Variants in CSMD1 observed in about 807,000 individuals in gnomAD.
CSMD1 encodes CUB and sushi domain-containing protein 1.
CSMD1 carries 213 observed loss-of-function variants against 417.5 expected under a neutral mutation model. The ratio of observed to expected loss-of-function variants is 0.51; its 90% confidence interval spans 0.46 to 0.57. The LOEUF (loss-of-function observed/expected upper bound fraction) is 0.57, where lower values mean the gene tolerates loss of function less well. Ranked by LOEUF, CSMD1 falls within the 20% of genes least tolerant of loss-of-function variation. The pLI, the probability that CSMD1 is intolerant of heterozygous loss-of-function variation, is 0.00. For missense variants in CSMD1, 6,923 were observed against 4,529.7 expected (o/e 1.53, Z -15.17); for synonymous variants, 2,862 against 1,736.8 (o/e 1.65, Z -16.11).
chr8:4,072,012 G>C (rs948313942), intron 3 of CSMD1, among the ~76,000 whole-genome samples: 2 of 152,144 alleles, frequency 1.3e-5, no homozygotes, highest in African/African-American at 2.4e-5. Context: ...GGTGGATGTG[G>C]TTTTGCTGGT....
At chr8:3,767,853 T>C (rs1320824360) in intron 5 of CSMD1, among the ~76,000 whole-genome samples, 1 of 152,200 alleles carries the variant, frequency 6.6e-6, no homozygotes, top group Admixed American at 6.5e-5. Context: ...GTGGGTCAGA[T>C]AAATAAATAC....
intron 5 of CSMD1, among the ~76,000 whole-genome samples, chr8:3,964,064 G>C (rs1015406738): frequency 6.6e-6 from 1 of 152,180 alleles, no homozygotes; most frequent in Middle Eastern, 3.2e-3. Flanking sequence ...ACAGCATGAG[G>C]TGCTTGCTTG....
At chr8:3,335,499 G>A (rs561570565) in intron 23 of CSMD1, among the ~76,000 whole-genome samples, 1 of 152,254 alleles carries the variant, frequency 6.6e-6, no homozygotes, top group South Asian at 2.1e-4. Context: ...CCAACATAGA[G>A]AAACTCCGTC....
chr8:2,957,869 G>A, intron 62 of CSMD1, 62 bp from the exon 63 acceptor site: 1 of 1,146,866 alleles, frequency 8.7e-7, no homozygotes. Context: ...GTCAACTAGT[G>A]ATACCTGAAA....
intron 5 of CSMD1, among the ~76,000 whole-genome samples, chr8:3,803,652 C>G (rs73658284): frequency 6.6e-6 from 1 of 152,080 alleles, no homozygotes; most frequent in African/African-American, 2.4e-5. Flanking sequence ...GAGGAGGGTT[C>G]ATAGAGGCCA....
intron 6 of CSMD1, among the ~76,000 whole-genome samples, chr8:3,712,808 T>A (rs1379407836): frequency 6.6e-6 from 1 of 152,170 alleles, no homozygotes. Flanking sequence ...TAATTCAGAT[T>A]CAACAATTTC....
intron 1 of CSMD1, among the ~76,000 whole-genome samples, chr8:4,852,358 G>A (rs1280188321): frequency 6.6e-6 from 1 of 152,024 alleles, no homozygotes; most frequent in Admixed American, 6.6e-5. Context: ...TGCAACATCT[G>A]GTTGTTTAAA....
At chr8:4,677,223 A>C (rs1805752754) in intron 1 of CSMD1, among the ~76,000 whole-genome samples, 1 of 151,238 alleles carries the variant, frequency 6.6e-6, no homozygotes, top group South Asian at 2.1e-4. Context: ...TTACTGTAGA[A>C]ATAATGCTCA....
At chr8:4,379,549 T>C (rs998152227) in intron 3 of CSMD1, among the ~76,000 whole-genome samples, 7 of 152,226 alleles carry the variant, frequency 4.6e-5, no homozygotes, top group Non-Finnish European at 7.3e-5. Flanking sequence ...GTCTGTATTA[T>C]TTTTGCAATT....
chr8:4,704,006 C>T (rs529248270), intron 1 of CSMD1, among the ~76,000 whole-genome samples: 3 of 152,260 alleles, frequency 2.0e-5, no homozygotes, highest in African/African-American at 4.8e-5. Context: ...AATCTAATGC[C>T]GATGCCGATG....
At chr8:3,273,280 G>T (rs919591473) in intron 26 of CSMD1, among the ~76,000 whole-genome samples, 1 of 152,006 alleles carries the variant, frequency 6.6e-6, no homozygotes, top group East Asian at 1.9e-4. Context: ...CAGGGATGAA[G>T]CCCACTTGAT....
intron 36 of CSMD1, among the ~76,000 whole-genome samples, chr8:3,183,391 G>A (rs57785401): frequency 6.8e-6 from 1 of 146,714 alleles, no homozygotes. Context: ...CCGACGTCAC[G>A]AACTGAACGC....
At chr8:3,703,527 G>A (rs1416780703) in intron 7 of CSMD1, among the ~76,000 whole-genome samples, 2 of 152,124 alleles carry the variant, frequency 1.3e-5, no homozygotes, top group Non-Finnish European at 2.9e-5. Flanking sequence ...GTCAGGGGAT[G>A]AGGAGGTATG....
chr8:4,970,895 A>C (rs1483960787), intron 1 of CSMD1, among the ~76,000 whole-genome samples: 3 of 152,142 alleles, frequency 2.0e-5, no homozygotes, highest in Admixed American at 2.0e-4. Context: ...AAAGTAACGA[A>C]GTGCTTTTTA....
chr8:4,358,229 A>C lies in CSMD1; in HGVS notation c.415+61724T>G, dbSNP rs75837422. Among the ~76,000 whole-genome samples the C allele has an allele frequency of 2.6e-5, 4 of 152,332 alleles. No homozygotes were observed. In the East Asian group the frequency reaches 5.8e-4, roughly 22 times the overall value. ...GTGTTATAATTTTATGTACCAAATG[A>C]ATGTCACTGTGGGGCTTGTTGAACT... On this transcript the variant is annotated intron_variant, in intron 3 of 69. Coordinates refer to ENST00000635120, the MANE Select transcript of CSMD1 (RefSeq NM_033225.6).
intron 10 of CSMD1, among the ~76,000 whole-genome samples, chr8:3,502,535 G>C (rs991599071): frequency 6.6e-6 from 1 of 152,086 alleles, no homozygotes; most frequent in Non-Finnish European, 1.5e-5. Context: ...AGGGCTAAAA[G>C]GAAATGAGCT....
At chr8:3,347,103 A>G (rs903732780) in intron 22 of CSMD1, among the ~76,000 whole-genome samples, 3 of 152,226 alleles carry the variant, frequency 2.0e-5, no homozygotes, top group Admixed American at 6.5e-5. Flanking sequence ...ACATCTCATA[A>G]TGTTTTAAAT....
intron 1 of CSMD1, among the ~76,000 whole-genome samples, chr8:4,873,957 C>T (rs1368578437): frequency 6.6e-6 from 1 of 152,098 alleles, no homozygotes; most frequent in Non-Finnish European, 1.5e-5. Flanking sequence ...GGAACTATTT[C>T]AAGCTATAAA....
chr8:3,291,996 G>C (rs1432708576), intron 25 of CSMD1, among the ~76,000 whole-genome samples: 1 of 151,652 alleles, frequency 6.6e-6, no homozygotes, highest in Non-Finnish European at 1.5e-5. Flanking sequence ...ACACTGCTTT[G>C]AATGTGTCCC....
Sources: allele counts gnomAD v4.1 joint callset (sites outside exome capture counted in the v4.1 genomes callset), GRCh38; gene constraint gnomAD v4.1.1; transcripts MANE v1.5; gene names NCBI Gene and HGNC (gene_info 2026-07-23, HGNC 2026-07-21).